TPTE2: variants seen among roughly 807,000 people sequenced by gnomAD.
The protein encoded by TPTE2 is transmembrane phosphoinositide 3-phosphatase and tensin homolog 2, also known as phosphatidylinositol 3,4,5-trisphosphate 3-phosphatase TPTE2.
Under a neutral mutation model 78.6 loss-of-function variants are expected in TPTE2, and 53 were observed. The observed-to-expected ratio is 0.67, with a 90% CI of 0.54 to 0.85. The LOEUF is 0.85. Among genes scored for constraint, TPTE2 ranks in the 40% least tolerant of loss-of-function variants. TPTE2 has a pLI of 0.00. For missense variants in TPTE2, 461 were observed against 623.0 expected (o/e 0.74, Z 2.77); for synonymous variants, 175 against 206.2 (o/e 0.85, Z 1.30).
intron 6 of TPTE2, among the ~76,000 whole-genome samples, chr13:19,471,229 T>C (rs1879596489): frequency 6.6e-6 from 1 of 152,154 alleles, no homozygotes; most frequent in South Asian, 2.1e-4. Flanking sequence ...TTTCATCCAT[T>C]CATCCACTCT....
At chr13:19,422,886 TA>T in exon 20 of TPTE2, 1 of 540,936 alleles carries the variant, frequency 1.8e-6, no homozygotes, top group Non-Finnish European at 2.8e-6. Flanking sequence ...ATTTTATCTA[TA>T]TATATTTAAT....
At chr13:19,446,900 G>A (rs1877877345) in intron 13 of TPTE2, among the ~76,000 whole-genome samples, 1 of 152,154 alleles carries the variant, frequency 6.6e-6, no homozygotes, top group South Asian at 2.1e-4. Context: ...CTGAGATCAT[G>A]CCACTGCACT....
At chr13:19,494,437 C>T (rs573304046) in intron 1 of TPTE2, among the ~76,000 whole-genome samples, 3 of 151,998 alleles carry the variant, frequency 2.0e-5, no homozygotes, top group Admixed American at 6.6e-5. Context: ...AACAAAGTTT[C>T]GCTCCTGCTG....
At chr13:19,445,823 C>T (rs1449158384) in intron 13 of TPTE2, among the ~76,000 whole-genome samples, 1 of 152,170 alleles carries the variant, frequency 6.6e-6, no homozygotes, top group Non-Finnish European at 1.5e-5. Context: ...CGCCTGTAAT[C>T]CCAGTTACTC....
the TPTE2 span, among the ~76,000 whole-genome samples, chr13:19,559,632 T>C: frequency 8.1e-5 from 12 of 148,788 alleles, no homozygotes; most frequent in South Asian, 6.4e-4. Context: ...GAAGAGGGGG[T>C]AGGATTAAGC....
chr13:19,548,271 A>C, the TPTE2 span, among the ~76,000 whole-genome samples: 2 of 151,954 alleles, frequency 1.3e-5, no homozygotes, highest in Non-Finnish European at 1.5e-5. Flanking sequence ...ACTATTATTT[A>C]TTTTTCTGTC....
the TPTE2 span, chr13:19,560,920 G>C: frequency 6.3e-7 from 1 of 1,594,724 alleles, no homozygotes; most frequent in Non-Finnish European, 8.6e-7. Context: ...CCAGACAGCT[G>C]TACTCCATAC....
At chr13:19,428,026 T>C (rs1876269650) in intron 17 of TPTE2, among the ~76,000 whole-genome samples, 1 of 152,074 alleles carries the variant, frequency 6.6e-6, no homozygotes, top group African/African-American at 2.4e-5. Context: ...AGGTGCAGAA[T>C]GCAAAAATTT....
chr13:19,465,262 G>C lies in TPTE2; in HGVS notation c.669C>G (p.Tyr223Ter), dbSNP rs545349341. Residue 223 changes from tyrosine to a stop codon, truncating the protein, a stop_gained, in exon 9 of 20, where the codon TAC (tyrosine) becomes TAG (stop). Coordinates refer to ENST00000400230, the Ensembl canonical transcript of TPTE2. LOFTEE classifies it high-confidence loss of function. ...CCATTAAGTGTCACAAACCTGTAACGTAAGTGAGGTCTAGGTCAAATCCAT... is the reference window on the plus strand; with the variant it reads ...CCATTAAGTGTCACAAACCTGTAACCTAAGTGAGGTCTAGGTCAAATCCAT... 3 of 1,613,712 alleles carry C rather than the reference G, an allele frequency of 1.9e-6. No individual in the cohort carries two copies. The highest frequency in any genetic ancestry group is 2.5e-6 in the Non-Finnish European group (3 of 1,179,810).
At chr13:19,501,285 G>A (rs1453010043) in intron 1 of TPTE2, among the ~76,000 whole-genome samples, 1 of 86,258 alleles carries the variant, frequency 1.2e-5, no homozygotes, top group Non-Finnish European at 2.3e-5. Context: ...TTTCTTCACA[G>A]AATTGGAAAA....
At chr13:19,537,233 A>ATT (rs542858008), upstream of TPTE2, among the ~76,000 whole-genome samples, 5 of 132,330 alleles carry the variant, frequency 3.8e-5, no homozygotes, top group Non-Finnish European at 4.9e-5. Flanking sequence ...CTTCTACTTG[A>ATT]TTTTTTTTTT....
chr13:19,530,283 T>C (rs1432208688), intron 1 of TPTE2, among the ~76,000 whole-genome samples: 1 of 152,274 alleles, frequency 6.6e-6, no homozygotes, highest in Non-Finnish European at 1.5e-5. Flanking sequence ...GTATGTGATA[T>C]ACACAGCACA....
intron 15 of TPTE2, among the ~76,000 whole-genome samples, chr13:19,435,622 T>C (rs1328658727): frequency 2.6e-5 from 4 of 152,192 alleles, no homozygotes; most frequent in Admixed American, 6.5e-5. Context: ...GTATATTTCA[T>C]ATAGGTGTTA....
At chr13:19,534,434 C>T (rs1369628409) in intron 1 of TPTE2, among the ~76,000 whole-genome samples, 2 of 152,156 alleles carry the variant, frequency 1.3e-5, no homozygotes, top group Non-Finnish European at 2.9e-5. Context: ...ACTTTCTGTA[C>T]CACATTCAAA....
chr13:19,464,342 C>T, intron 10 of TPTE2, 114 bp downstream of exon 13: 4 of 1,118,478 alleles, frequency 3.6e-6, no homozygotes, highest in South Asian at 3.2e-5. Flanking sequence ...GATTTTTTTA[C>T]TTGAAAGAGT....
At chr13:19,514,691 A>T (rs1191903929) in intron 1 of TPTE2, among the ~76,000 whole-genome samples, 2 of 151,356 alleles carry the variant, frequency 1.3e-5, no homozygotes, top group Non-Finnish European at 2.9e-5. Flanking sequence ...AAGAATAATG[A>T]ATGTTTCTAT....
chr13:19,516,641 A>G (rs1323392409), intron 1 of TPTE2, among the ~76,000 whole-genome samples: 1 of 152,192 alleles, frequency 6.6e-6, no homozygotes, highest in African/African-American at 2.4e-5. Flanking sequence ...GTTAATTGCA[A>G]TGGGACCACT....
At chr13:19,428,625 TA>T (rs1160358519) in intron 17 of TPTE2, among the ~76,000 whole-genome samples, 1 of 149,024 alleles carries the variant, frequency 6.7e-6, no homozygotes, top group Admixed American at 6.7e-5. Flanking sequence ...CTACAAAAAA[TA>T]AAAAAAATTA....
chr13:19,454,683 G>A (rs569893812), intron 10 of TPTE2, among the ~76,000 whole-genome samples: 1 of 152,274 alleles, frequency 6.6e-6, no homozygotes, highest in East Asian at 1.9e-4. Flanking sequence ...GCCCCAAGGA[G>A]ATAACAGTTT....
Sources: gnomAD v4.1 joint callset for allele counts (sites outside exome capture counted in the v4.1 genomes callset) on GRCh38, gnomAD v4.1.1 for gene constraint, MANE v1.5 for transcripts, NCBI Gene and HGNC (gene_info 2026-07-23, HGNC 2026-07-21) for gene names.